ANKS1B: variants seen among roughly 807,000 people sequenced by gnomAD.
ANKS1B encodes the protein ankyrin repeat and sterile alpha motif domain-containing protein 1B.
Under a neutral mutation model 148.3 loss-of-function variants are expected in ANKS1B, and 36 were observed. That is an observed-to-expected ratio of 0.24 (90% confidence interval 0.19 to 0.32). ANKS1B has a LOEUF of 0.32. Ranked by LOEUF, ANKS1B falls within the 10% of genes least tolerant of loss-of-function variation. The pLI is 1.00. For missense variants in ANKS1B, 1,157 were observed against 1,542.6 expected (o/e 0.75, Z 4.19); for synonymous variants, 542 against 560.8 (o/e 0.97, Z 0.47).
At chr12:99,184,042 T>C (rs1488664944) in intron 14 of ANKS1B, among the ~76,000 whole-genome samples, 1 of 152,244 alleles carries the variant, frequency 6.6e-6, no homozygotes, top group East Asian at 1.9e-4. Context: ...ATGAGCCTTA[T>C]CATCTCAAAT....
chr12:99,030,932 G>A (rs546974654), intron 17 of ANKS1B, among the ~76,000 whole-genome samples: 6 of 152,174 alleles, frequency 3.9e-5, no homozygotes, highest in South Asian at 2.1e-4. Context: ...TTCTGAATCC[G>A]TCTACCCTAG....
intron 12 of ANKS1B, among the ~76,000 whole-genome samples, chr12:99,399,070 G>A (rs530415954): frequency 6.6e-6 from 1 of 152,094 alleles, no homozygotes; most frequent in East Asian, 1.9e-4. Context: ...TTAGCTCCTT[G>A]TCCCCCAAAT....
intron 17 of ANKS1B, among the ~76,000 whole-genome samples, chr12:98,995,452 AAAAG>A (rs2099928970): frequency 6.6e-6 from 1 of 152,144 alleles, no homozygotes; most frequent in Non-Finnish European, 1.5e-5. Flanking sequence ...AAAATTAAAA[AAAAG>A]AGAGTAAACT....
chr12:99,269,422 A>T (rs7308600), intron 12 of ANKS1B, among the ~76,000 whole-genome samples: 48,573 of 152,004 alleles, frequency 0.32, 9,291 homozygotes, highest in African/African-American at 0.54. Flanking sequence ...CACTCTAACA[A>T]AATATTGAAT....
At chr12:99,717,678 G>A (rs776993496) in intron 8 of ANKS1B, among the ~76,000 whole-genome samples, 17 of 152,122 alleles carry the variant, frequency 1.1e-4, no homozygotes, top group Non-Finnish European at 2.2e-4. Flanking sequence ...CTGCCCGATC[G>A]CCTTGGAAGC....
intron 2 of ANKS1B, among the ~76,000 whole-genome samples, chr12:99,823,440 G>A (rs2082760277): frequency 6.6e-6 from 1 of 152,094 alleles, no homozygotes; most frequent in South Asian, 2.1e-4. Context: ...TGAGTAGCTG[G>A]GATTACAGGC....
chr12:99,262,817 TTC>T (rs1346193111), intron 12 of ANKS1B, among the ~76,000 whole-genome samples: 4 of 152,106 alleles, frequency 2.6e-5, no homozygotes, highest in African/African-American at 9.7e-5. Context: ...TTGATTTTGT[TTC>T]TCTCTTTTTA....
intron 4 of ANKS1B, among the ~76,000 whole-genome samples, chr12:99,796,402 G>A (rs545705271): frequency 5.9e-5 from 9 of 152,124 alleles, no homozygotes; most frequent in Middle Eastern, 3.4e-3. Context: ...AAGGTTGGGT[G>A]GGCGGCAGGG....
intron 17 of ANKS1B, among the ~76,000 whole-genome samples, chr12:98,888,072 G>A (rs563763147): frequency 6.6e-6 from 1 of 152,146 alleles, no homozygotes; most frequent in East Asian, 1.9e-4. Flanking sequence ...GTTATTTCTG[G>A]GCAGTGGTAT....
chr12:99,160,838 A>G (rs2076587308), intron 14 of ANKS1B, among the ~76,000 whole-genome samples: 1 of 152,204 alleles, frequency 6.6e-6, no homozygotes, highest in Admixed American at 6.5e-5. Context: ...GTCAAATATC[A>G]GGTGGCTGTA....
At chr12:98,958,037 G>A (rs994870002) in intron 17 of ANKS1B, among the ~76,000 whole-genome samples, 3 of 152,186 alleles carry the variant, frequency 2.0e-5, no homozygotes, top group African/African-American at 7.2e-5. Flanking sequence ...TTCTATATTT[G>A]TCTGTTCTCA....
chr12:99,721,808 T>C (rs1001848289), intron 8 of ANKS1B, among the ~76,000 whole-genome samples: 1 of 152,262 alleles, frequency 6.6e-6, no homozygotes, highest in Non-Finnish European at 1.5e-5. Context: ...AAACAGTTAG[T>C]AAATGCATTA....
intron 9 of ANKS1B, among the ~76,000 whole-genome samples, chr12:99,536,347 T>C (rs2097066349): frequency 6.6e-6 from 1 of 152,172 alleles, no homozygotes; most frequent in Non-Finnish European, 1.5e-5. Context: ...ATGGGAAATC[T>C]CTGTACTTTC....
intron 8 of ANKS1B, among the ~76,000 whole-genome samples, chr12:99,683,688 A>C (rs2098633929): frequency 6.6e-6 from 1 of 152,094 alleles, no homozygotes; most frequent in Non-Finnish European, 1.5e-5. Context: ...AAAACAAAAA[A>C]CCAATATCCC....
At chr12:99,100,692 G>A (rs140617140) in intron 15 of ANKS1B, among the ~76,000 whole-genome samples, 2 of 152,172 alleles carry the variant, frequency 1.3e-5, no homozygotes, top group African/African-American at 2.4e-5. Flanking sequence ...ATCACGCCCA[G>A]CTAAGTTTTG....
intron 17 of ANKS1B, among the ~76,000 whole-genome samples, chr12:98,890,655 G>A (rs2099750722): frequency 6.6e-6 from 1 of 152,140 alleles, no homozygotes; most frequent in Admixed American, 6.5e-5. Context: ...TCATTCTCAA[G>A]CCTTAACTAA....
At chr12:99,239,891 C>A (rs577720378) in intron 14 of ANKS1B, among the ~76,000 whole-genome samples, 3 of 152,278 alleles carry the variant, frequency 2.0e-5, no homozygotes, top group East Asian at 3.9e-4. Flanking sequence ...ACCACCAGGC[C>A]TACCTTACAA....
chr12:98,815,139 G>A (rs1175161059), intron 19 of ANKS1B, among the ~76,000 whole-genome samples: 2 of 151,968 alleles, frequency 1.3e-5, no homozygotes, highest in Non-Finnish European at 2.9e-5. Flanking sequence ...CTCTTTCCTG[G>A]AGCATTCTCA....
At chr12:99,481,882 TTTG>T (rs1347934230) in intron 10 of ANKS1B, among the ~76,000 whole-genome samples, 3 of 146,538 alleles carry the variant, frequency 2.0e-5, no homozygotes, top group African/African-American at 4.9e-5. Context: ...TTGCGGGTTT[TTTG>T]TTTTTTGTTT....
Sources: gnomAD v4.1 joint callset for allele counts (sites outside exome capture counted in the v4.1 genomes callset) on GRCh38, gnomAD v4.1.1 for gene constraint, MANE v1.5 for transcripts, NCBI Gene and HGNC (gene_info 2026-07-23, HGNC 2026-07-21) for gene names.